Variants in MGAT4C observed in about 807,000 individuals in gnomAD.
The protein encoded by MGAT4C is MGAT4 family member C.
A neutral mutation model predicts 40.1 loss-of-function variants in MGAT4C; 19 were observed. The ratio of observed to expected loss-of-function variants is 0.47; its 90% CI spans 0.33 to 0.70. The LOEUF is 0.70. Ranked by LOEUF, MGAT4C falls within the 30% of genes least tolerant of loss-of-function variation. The pLI, the probability that MGAT4C is intolerant of heterozygous loss-of-function variation, is 0.02. For missense variants in MGAT4C, 491 were observed against 563.2 expected, an observed-to-expected ratio of 0.87 and a Z score of 1.30; for synonymous variants, 181 against 187.1, an observed-to-expected ratio of 0.97 and a Z score of 0.27.
intron 2 of MGAT4C, among the ~76,000 whole-genome samples, chr12:86,550,695 C>G (rs996167095): frequency 3.0e-4 from 46 of 151,406 alleles, no homozygotes; most frequent in African/African-American, 1.1e-3. Context: ...CTAACACCCA[C>G]GATCAACACT....
At chr12:86,358,295 C>T (rs1321870515) in intron 3 of MGAT4C, among the ~76,000 whole-genome samples, 1 of 152,148 alleles carries the variant, frequency 6.6e-6, no homozygotes, top group Non-Finnish European at 1.5e-5. Flanking sequence ...TTTGTCACCA[C>T]CAGGCCTGCC....
chr12:86,540,068 T>C (rs1015932640), intron 2 of MGAT4C, among the ~76,000 whole-genome samples: 1 of 152,234 alleles, frequency 6.6e-6, no homozygotes, highest in Non-Finnish European at 1.5e-5. Context: ...GCCATTGCTT[T>C]TGGTGTTTTA....
At chr12:86,751,067 C>T (rs1489388725) in intron 1 of MGAT4C, among the ~76,000 whole-genome samples, 1 of 151,888 alleles carries the variant, frequency 6.6e-6, no homozygotes, top group African/African-American at 2.4e-5. Context: ...GGAGATCTTA[C>T]AGATTAAGAA....
intron 1 of MGAT4C, among the ~76,000 whole-genome samples, chr12:86,147,732 G>A (rs1212760353): frequency 6.6e-6 from 1 of 152,040 alleles, no homozygotes; most frequent in Non-Finnish European, 1.5e-5. Flanking sequence ...AGGAAAAAAT[G>A]GAAATCATAT....
chr12:86,156,848 A>C (rs762531861), intron 1 of MGAT4C, among the ~76,000 whole-genome samples: 1 of 152,166 alleles, frequency 6.6e-6, no homozygotes, highest in Non-Finnish European at 1.5e-5. Flanking sequence ...AGTTTAACTC[A>C]AAAATTTATT....
intron 1 of MGAT4C, among the ~76,000 whole-genome samples, chr12:86,763,554 A>G (rs1341047730): frequency 6.6e-6 from 1 of 152,226 alleles, no homozygotes; most frequent in African/African-American, 2.4e-5. Context: ...CAATGTCCAT[A>G]TCTATGCTTT....
chr12:86,113,182 T>C (rs1592974025), intron 1 of MGAT4C, among the ~76,000 whole-genome samples: 1 of 151,794 alleles, frequency 6.6e-6, no homozygotes, highest in East Asian at 1.9e-4. Flanking sequence ...ATAAACTTGT[T>C]CCTTATTTTA....
chr12:86,704,685 T>C (rs1030397239), intron 2 of MGAT4C, among the ~76,000 whole-genome samples: 2 of 152,130 alleles, frequency 1.3e-5, no homozygotes, highest in East Asian at 3.8e-4. Context: ...CAACATTTGT[T>C]GACAGTAAAC....
intron 1 of MGAT4C, among the ~76,000 whole-genome samples, chr12:86,147,025 TTTC>T (rs1309627751): frequency 6.6e-6 from 1 of 152,194 alleles, no homozygotes; most frequent in African/African-American, 2.4e-5. Flanking sequence ...GGATGGATTC[TTTC>T]TTGTCTTTAG....
At chr12:86,284,772 C>A (rs757619690) in intron 4 of MGAT4C, among the ~76,000 whole-genome samples, 1 of 151,914 alleles carries the variant, frequency 6.6e-6, no homozygotes, top group African/African-American at 2.4e-5. Context: ...GAGTTCCATG[C>A]AGCCTTCTCC....
chr12:86,769,245 C>T (rs1413085499), intron 1 of MGAT4C, among the ~76,000 whole-genome samples: 2 of 152,130 alleles, frequency 1.3e-5, no homozygotes, highest in Non-Finnish European at 2.9e-5. Context: ...GACATTTATG[C>T]AGCCAAAAGA....
intron 3 of MGAT4C, among the ~76,000 whole-genome samples, chr12:86,398,686 G>T (rs537949879): frequency 6.3e-4 from 95 of 151,852 alleles, no homozygotes; most frequent in Non-Finnish European, 1.3e-3. Context: ...TCTCCTGCCC[G>T]TCTTTTACTT....
intron 3 of MGAT4C, among the ~76,000 whole-genome samples, chr12:86,339,480 T>C (rs949336677): frequency 6.6e-6 from 1 of 152,174 alleles, no homozygotes; most frequent in Non-Finnish European, 1.5e-5. Context: ...AAGGTCTACT[T>C]CAAATGAAAA....
chr12:86,750,499 A>G (rs1333317299), intron 1 of MGAT4C, among the ~76,000 whole-genome samples: 1 of 151,936 alleles, frequency 6.6e-6, no homozygotes, highest in Non-Finnish European at 1.5e-5. Flanking sequence ...CAAACAAACA[A>G]ACAAAAACAC....
chr12:86,764,039 A>C (rs1417237002), intron 1 of MGAT4C, among the ~76,000 whole-genome samples: 1 of 152,110 alleles, frequency 6.6e-6, no homozygotes, highest in Non-Finnish European at 1.5e-5. Flanking sequence ...TGCACCGTGC[A>C]TGAGCCGAAG....
At chr12:86,497,311 C>T (rs1178649981) in intron 2 of MGAT4C, among the ~76,000 whole-genome samples, 2 of 151,914 alleles carry the variant, frequency 1.3e-5, no homozygotes, top group Non-Finnish European at 2.9e-5. Context: ...TGAGCCATGT[C>T]ATTTCAAAGT....
intron 4 of MGAT4C, among the ~76,000 whole-genome samples, chr12:86,262,322 T>C (rs1952675976): frequency 6.6e-6 from 1 of 152,174 alleles, no homozygotes; most frequent in Non-Finnish European, 1.5e-5. Context: ...CAGTCACTCA[T>C]AGTCATATTG....
chr12:86,290,993 A>G (rs1387687879), intron 4 of MGAT4C, among the ~76,000 whole-genome samples: 1 of 152,184 alleles, frequency 6.6e-6, no homozygotes, highest in Non-Finnish European at 1.5e-5. Context: ...TTGAACAACC[A>G]AGACCCAGAG....
At chr12:86,440,779 T>G (rs1182037926) in intron 2 of MGAT4C, among the ~76,000 whole-genome samples, 1 of 152,098 alleles carries the variant, frequency 6.6e-6, no homozygotes, top group Non-Finnish European at 1.5e-5. Context: ...TAGTAAAGTC[T>G]TGGGTTACAA....
Sources: allele counts gnomAD v4.1 joint callset (sites outside exome capture counted in the v4.1 genomes callset), GRCh38; gene constraint gnomAD v4.1.1; transcripts MANE v1.5; gene names NCBI Gene and HGNC (gene_info 2026-07-23, HGNC 2026-07-21).